The following COL18A1 variants were observed in gnomAD, a reference collection of about 807,000 sequenced individuals.
COL18A1 encodes the protein collagen alpha-1(XVIII) chain.
In COL18A1, 133 loss-of-function variants were observed where a neutral mutation model predicts 168.0. The observed-to-expected ratio is 0.79, with a 90% confidence interval of 0.69 to 0.91. The LOEUF is 0.91. COL18A1 is among the 40% of genes least tolerant of loss of function. The pLI, the probability that COL18A1 is intolerant of heterozygous loss-of-function variation, is 0.00. For synonymous variants in COL18A1, 949 were observed against 809.0 expected (o/e 1.17, Z -2.94); for missense variants, 2,126 against 1,925.4 (o/e 1.10, Z -1.95).
intron 2 of COL18A1, among the ~76,000 whole-genome samples, chr21:45,465,427 C>T (rs1391345175): frequency 6.6e-6 from 1 of 152,190 alleles, no homozygotes; most frequent in Admixed American, 6.5e-5. Context: ...GGTGTTTGTT[C>T]TGAGGCCGTT....
intron 2 of COL18A1, among the ~76,000 whole-genome samples, chr21:45,412,938 A>C (rs550974620): frequency 6.6e-6 from 1 of 152,214 alleles, no homozygotes; most frequent in East Asian, 1.9e-4. Flanking sequence ...TCAGGCTGTG[A>C]CCCTGAGTGT....
intron 32 of COL18A1, among the ~76,000 whole-genome samples, chr21:45,503,746 C>G (rs937488952): frequency 1.3e-5 from 2 of 151,718 alleles, no homozygotes; most frequent in Admixed American, 6.6e-5. Context: ...TGTAACTAAC[C>G]TGCACATCAT....
At chr21:45,491,764 G>A (rs1198326894) in intron 22 of COL18A1, among the ~76,000 whole-genome samples, 2 of 152,200 alleles carry the variant, frequency 1.3e-5, no homozygotes, top group Admixed American at 6.5e-5. Flanking sequence ...GCGCCTGCCA[G>A]CAGTGCATCC....
intron 2 of COL18A1, among the ~76,000 whole-genome samples, chr21:45,429,667 T>C (rs1169116092): frequency 6.6e-6 from 1 of 152,172 alleles, no homozygotes; most frequent in Non-Finnish European, 1.5e-5. Context: ...ACGGTGGAGC[T>C]GGGAGCCTGA....
intron 2 of COL18A1, among the ~76,000 whole-genome samples, chr21:45,455,224 C>G (rs1259939224): frequency 6.6e-6 from 1 of 152,236 alleles, no homozygotes; most frequent in Non-Finnish European, 1.5e-5. Context: ...CCGGCAGAGC[C>G]TAGCGGAGCA....
In COL18A1 at chr21:45,480,852, C is replaced by T; in HGVS notation, c.1605C>T (p.Gly535=). 6.2e-7 allele frequency: 1 copy of T among 1,610,448 alleles called. No individual in the cohort carries two copies. The highest frequency in any genetic ancestry group is 1.3e-5 in the African/African-American group (1 of 74,992). ...PGREGPPGFP[G]LPGPPGPPGR... is the part of the protein sequence containing the mutation. ...GCGAGGGTCCCCCCGGGTTTCCTGG[C>T]CTCCCGGTAAGTCCTGCCTCCACCG... The change falls in exon 13 of 42, where the codon GGC becomes GGT. Residue 535 remains glycine (G), a synonymous_variant. Transcript: ENST00000651438.
rs2036127069 is a variant in COL18A1, at chr21:45,486,719, G to C, written c.1702-142G>C. 3 of 849,482 alleles carry C rather than the reference G, an allele frequency of 3.5e-6. No individual in the cohort carries two copies. In the African/African-American group the frequency reaches 5.2e-5, roughly 15 times the overall value. The allele number at this position is 849,482 out of a possible 1,614,324, so 52.6% of individuals were successfully genotyped here. A position where few individuals can be genotyped will look rare whatever the true frequency, so the allele number is the denominator to read the frequency against. ...AAAGTTAGAAGAAAGGCTGCTGTGGGGCCTGCGTTGCTTGGCAGAATGTTC... is the reference window on the plus strand; with the variant it reads ...AAAGTTAGAAGAAAGGCTGCTGTGGCGCCTGCGTTGCTTGGCAGAATGTTC... On this transcript the variant is annotated intron_variant, in intron 15 of 41. Transcript: ENST00000651438.
chr21:45,466,606 T>C (rs970982049), intron 2 of COL18A1, among the ~76,000 whole-genome samples: 7 of 152,204 alleles, frequency 4.6e-5, no homozygotes, highest in Non-Finnish European at 1.0e-4. Context: ...TCTCTGCCCA[T>C]CCAGCATCTT....
In COL18A1 at chr21:45,492,524, C is replaced by T. The variant is rs2145990697; in HGVS notation, c.2158-11C>T. ...TCTTTGTTTCCGATTTTTCCTTTTG[C>T]TCGTGGACAGGGATCCGTCCTGAGC... On this transcript the variant is annotated splice_polypyrimidine_tract_variant and intron_variant, in intron 22 of 41. Coordinates refer to ENST00000651438, the MANE Select transcript of COL18A1 (RefSeq NM_001379500.1). The T allele has an allele frequency of 1.2e-6, 2 of 1,613,444 alleles. No individual in the cohort carries two copies. The highest frequency in any genetic ancestry group is 4.5e-5 in the East Asian group (2 of 44,884).
In COL18A1 at chr21:45,431,568, C is replaced by T. The variant is rs541465368; in HGVS notation, c.106+26095C>T. 4.4e-3 allele frequency among the ~76,000 whole-genome samples: 659 copies of T among 149,300 alleles called. 27 individuals are homozygous for T. The highest frequency in any genetic ancestry group is 0.015 in the African/African-American group (602 of 40,032). Reference sequence around the variant, plus strand: ...CCCAGGGGAGGGGGGCAGGCAGGACCAGGCGGCCCTGGGGGTCAGGGGTGG... The same window carrying T: ...CCCAGGGGAGGGGGGCAGGCAGGACTAGGCGGCCCTGGGGGTCAGGGGTGG... On this transcript the variant is annotated intron_variant, in intron 2 of 41. Coordinates refer to ENST00000651438, the MANE Select transcript of COL18A1 (RefSeq NM_001379500.1).
At position 45,495,338 on chromosome 21, in the gene COL18A1, C is replaced by G. The variant is rs1341631094; in HGVS notation, c.2434-20C>G. The G allele has an allele frequency of 6.3e-7, 1 of 1,592,652 alleles. No homozygotes were observed. The highest frequency in any genetic ancestry group is 8.6e-7 in the Non-Finnish European group (1 of 1,167,052). The stretch of plus-strand genomic sequence containing the variant: ...AATCATCAGTGCCCAGCAGTCCCCA[C>G]CCCCTGTGCTCCGCCCCAGGGTCGC... On this transcript the variant is annotated intron_variant, in intron 28 of 41. Coordinates refer to ENST00000651438, the MANE Select transcript of COL18A1 (RefSeq NM_001379500.1).
At chr21:45,444,867 T>C (rs893640656) in intron 2 of COL18A1, among the ~76,000 whole-genome samples, 1 of 152,084 alleles carries the variant, frequency 6.6e-6, no homozygotes, top group Non-Finnish European at 1.5e-5. Context: ...ATCAAATACA[T>C]GAAAAAAATC....
At chr21:45,480,424 G>GA (rs745941789) in intron 11 of COL18A1, 43 bp from the exon 12 acceptor site, 1 of 1,613,896 alleles carries the variant, frequency 6.2e-7, no homozygotes, top group South Asian at 1.1e-5. Context: ...CCAGGCGGGG[G>GA]GCCGAGCTCA....
rs1307142819 is a variant in COL18A1, at chr21:45,468,520, C to G, written c.385C>G (p.Gln129Glu). The G allele has an allele frequency of 8.7e-6, 14 of 1,613,332 alleles. No homozygotes were observed. The highest frequency in any genetic ancestry group is 1.2e-5 in the Non-Finnish European group (14 of 1,179,880). Residue 129 changes from glutamine (Q) to glutamate (E), a missense_variant, in exon 3 of 42, where the codon CAG (glutamine) becomes GAG (glutamate). Gln to Glu is a conservative substitution (Grantham distance 29). Coordinates refer to ENST00000651438, the MANE Select transcript of COL18A1 (RefSeq NM_001379500.1). ...GCTGGGCGTGAAGCTCTCTGGGGTG[C>G]AGGACGGGCACCAGGACATCTCCCT... ...VLLGVKLSGV[Q>E]DGHQDISLLY...
chr21:45,483,410 C>T (rs895519205), intron 15 of COL18A1, among the ~76,000 whole-genome samples: 1 of 152,234 alleles, frequency 6.6e-6, no homozygotes, highest in South Asian at 2.1e-4. Flanking sequence ...AGCCTTCCTT[C>T]GGGCAGCCTG....
rs2034430010 is a variant in COL18A1, at chr21:45,443,235, C to G, written c.107-25007C>G. On this transcript the variant is annotated intron_variant, in intron 2 of 41. Transcript: ENST00000651438. The surrounding 1 kb of genome is among the most constrained non-coding windows in gnomAD (Gnocchi z 5.2). ...GGTCCTGGTGCCTGGGAGGTGCTTA[C>G]CCCATGGCCCCAACCGGCACAAGTG... is the stretch of plus-strand genomic sequence containing the variant. 6.6e-6 allele frequency among the ~76,000 whole-genome samples: 1 copy of G among 151,948 alleles called. No homozygotes were observed. The highest frequency in any genetic ancestry group is 2.4e-5 in the African/African-American group (1 of 41,286).
intron 20 of COL18A1, 75 bp downstream of exon 20, chr21:45,490,421 G>A: frequency 1.5e-6 from 2 of 1,298,974 alleles, no homozygotes; most frequent in Non-Finnish European, 1.1e-6. Flanking sequence ...ATGAAAGCTG[G>A]CACGAGATGT....
intron 6 of COL18A1, among the ~76,000 whole-genome samples, chr21:45,476,768 GTA>G (rs1810480816): frequency 6.6e-6 from 1 of 151,704 alleles, no homozygotes; most frequent in Non-Finnish European, 1.5e-5. Context: ...TGTGGTGTGT[GTA>G]TTGTGTGTGG....
At chr21:45,431,101 G>A (rs970727900) in intron 2 of COL18A1, among the ~76,000 whole-genome samples, 5 of 152,214 alleles carry the variant, frequency 3.3e-5, no homozygotes, top group African/African-American at 9.6e-5. Context: ...TGACGCTCCT[G>A]TGCGGGAGGA....
Sources: gnomAD v4.1 joint callset for allele counts (sites outside exome capture counted in the v4.1 genomes callset) on GRCh38, gnomAD v4.1.1 for gene constraint, Gnocchi (gnomAD v3.1) non-coding constraint, MANE v1.5 for transcripts, NCBI Gene and HGNC (gene_info 2026-07-23, HGNC 2026-07-21) for gene names.